Variants in CEP63 observed in about 807,000 individuals in gnomAD.
The protein encoded by CEP63 is centrosomal protein 63.
In CEP63, 84 loss-of-function variants were observed where a neutral mutation model predicts 89.1. The observed-to-expected ratio is 0.94, with a 90% CI of 0.79 to 1.13. The LOEUF (loss-of-function observed/expected upper bound fraction) is 1.13, where lower values mean the gene tolerates loss of function less well. Ranked by LOEUF, CEP63 falls within the 50% of genes most tolerant of loss-of-function variation. The pLI is 0.00. For synonymous variants in CEP63, 267 were observed against 272.5 expected (o/e 0.98, Z 0.20); for missense variants, 838 against 813.3 (o/e 1.03, Z -0.37).
At chr3:134,703,156 C>A in the CEP63 span, among the ~76,000 whole-genome samples, 1 of 151,640 alleles carries the variant, frequency 6.6e-6, no homozygotes, top group African/African-American at 2.4e-5. Context: ...ATTAGCCAGG[C>A]GTGGTGGTGG....
At chr3:134,566,965 A>G (rs1957790398), downstream of CEP63, among the ~76,000 whole-genome samples, 1 of 152,234 alleles carries the variant, frequency 6.6e-6, no homozygotes, top group Non-Finnish European at 1.5e-5. Context: ...ATTTGTACAC[A>G]AATGATCTTA....
In CEP63 at chr3:134,561,979, C is replaced by G. The variant is rs1957387948; in HGVS notation, c.*444C>G. 9.8e-7 allele frequency: 1 copy of G among 1,017,862 alleles called. No individual in the cohort carries two copies. Among genetic ancestry groups the G allele is most frequent in the Admixed American group, 5.3e-5 (1 of 18,928 alleles). 63.1% of individuals were successfully genotyped at this position (1,017,862 alleles called of 1,614,324 possible). On this transcript the variant is annotated 3_prime_UTR_variant, in exon 15 of 15. Coordinates refer to ENST00000675561, the MANE Select transcript of CEP63 (RefSeq NM_001353108.3). ...ATAGACTGGTTTTGCCACTTACCAG[C>G]CAACGGGGCTTGTTATTTACTGGGC...
At chr3:134,638,279 G>T in the CEP63 span, among the ~76,000 whole-genome samples, 1 of 152,166 alleles carries the variant, frequency 6.6e-6, no homozygotes, top group African/African-American at 2.4e-5. Flanking sequence ...TGACGCTACT[G>T]GATCAAATAA....
chr3:134,650,916 C>T, the CEP63 span: 1 of 1,613,338 alleles, frequency 6.2e-7, no homozygotes, highest in East Asian at 2.2e-5. Flanking sequence ...GCACGATCAG[C>T]AGCATGTCGA....
the CEP63 span, among the ~76,000 whole-genome samples, chr3:134,768,331 G>A: frequency 3.3e-5 from 5 of 152,138 alleles, no homozygotes; most frequent in South Asian, 4.1e-4. Flanking sequence ...AGCCAGCCCC[G>A]AATTTTTCAG....
intron 12 of CEP63, among the ~76,000 whole-genome samples, chr3:134,556,430 A>T (rs1173669637): frequency 6.6e-6 from 1 of 151,978 alleles, no homozygotes. Context: ...CAATAGCTAA[A>T]CATTTTGTAA....
At chr3:134,566,343 ATAT>A (rs1177533283), downstream of CEP63, among the ~76,000 whole-genome samples, 1 of 152,154 alleles carries the variant, frequency 6.6e-6, no homozygotes, top group African/African-American at 2.4e-5. Context: ...TAATATAATA[ATAT>A]TAAATGCAAA....
the CEP63 span, chr3:134,650,747 C>A: frequency 7.6e-7 from 1 of 1,324,066 alleles, no homozygotes; most frequent in Admixed American, 3.0e-5. Flanking sequence ...GCAATGGGCG[C>A]CCCCCGGCGG....
the CEP63 span, among the ~76,000 whole-genome samples, chr3:134,660,182 G>A: frequency 6.6e-6 from 1 of 152,250 alleles, no homozygotes; most frequent in African/African-American, 2.4e-5. Context: ...TGAAAGTGGG[G>A]CATGTTCAAT....
the CEP63 span, among the ~76,000 whole-genome samples, chr3:134,701,157 C>T: frequency 6.6e-6 from 1 of 150,482 alleles, no homozygotes; most frequent in Non-Finnish European, 1.5e-5. Context: ...TACATACATA[C>T]ATTATATACA....
chr3:134,557,826 A>G (rs1375518974), intron 12 of CEP63, among the ~76,000 whole-genome samples: 1 of 152,102 alleles, frequency 6.6e-6, no homozygotes, highest in Non-Finnish European at 1.5e-5. Context: ...CAGAAGAAAC[A>G]TGGCTGCTAT....
the CEP63 span, among the ~76,000 whole-genome samples, chr3:134,605,333 C>T: frequency 2.0e-5 from 3 of 152,168 alleles, no homozygotes; most frequent in African/African-American, 7.2e-5. Flanking sequence ...CTCCCAGCCC[C>T]AGCAACCTCC....
rs1957355061 is a variant in CEP63 at position 134,561,602 on chromosome 3, G to A, written c.*67G>A. ...CAAAGAGTTACTGTCATCTGAAGTA[G>A]CAGCTCTTTAAAAACATGAAGAGAT... On this transcript the variant is annotated 3_prime_UTR_variant, in exon 15 of 15. Coordinates refer to ENST00000675561, the MANE Select transcript of CEP63 (RefSeq NM_001353108.3). 1 of 1,555,592 alleles carries A rather than the reference G, an allele frequency of 6.4e-7. No individual in the cohort carries two copies. Among genetic ancestry groups the A allele is most frequent in the East Asian group, 2.4e-5 (1 of 41,440 alleles).
At chr3:134,613,648 CA>C in the CEP63 span, among the ~76,000 whole-genome samples, 1 of 151,996 alleles carries the variant, frequency 6.6e-6, no homozygotes, top group Non-Finnish European at 1.5e-5. Flanking sequence ...ATGCCTGGGG[CA>C]GAAAAAAGAT....
chr3:134,689,823 G>A, the CEP63 span, among the ~76,000 whole-genome samples: 1 of 152,138 alleles, frequency 6.6e-6, no homozygotes, highest in Non-Finnish European at 1.5e-5. Context: ...CCAGTAAGAT[G>A]TTACAACTAA....
chr3:134,719,213 G>A, the CEP63 span, among the ~76,000 whole-genome samples: 5 of 151,958 alleles, frequency 3.3e-5, no homozygotes, highest in South Asian at 2.1e-4. Flanking sequence ...ATGTTGCCCA[G>A]GCTGGTCTTG....
At position 134,537,190 on chromosome 3, in the gene CEP63, A is replaced by C; in HGVS notation, c.477A>C (p.Gln159His). The change falls in exon 6 of 15, where the codon CAA becomes CAC. Residue 159 changes from glutamine (Q) to histidine (H), a missense_variant. Gln to His is a conservative substitution (Grantham distance 24). Coordinates refer to ENST00000675561, the MANE Select transcript of CEP63 (RefSeq NM_001353108.3). ...FRQKSLDWEK[Q>H]RLIYQQQVSS... ...AGAAATCGCTGGACTGGGAGAAGCAACGCTTGATTTATCAGCAACAGGTAT... is the reference window on the plus strand; with the variant it reads ...AGAAATCGCTGGACTGGGAGAAGCACCGCTTGATTTATCAGCAACAGGTAT... 1 of 1,613,926 alleles carries C rather than the reference A, an allele frequency of 6.2e-7. No homozygotes were observed. Among genetic ancestry groups the C allele is most frequent in the Non-Finnish European group, 8.5e-7 (1 of 1,179,786 alleles).
At chr3:134,620,501 G>T in the CEP63 span, among the ~76,000 whole-genome samples, 3 of 152,166 alleles carry the variant, frequency 2.0e-5, no homozygotes, top group African/African-American at 7.2e-5. Flanking sequence ...GAAGTTTCCA[G>T]CTCTGGGCAC....
At chr3:134,655,519 A>G in the CEP63 span, among the ~76,000 whole-genome samples, 1 of 152,248 alleles carries the variant, frequency 6.6e-6, no homozygotes, top group Admixed American at 6.5e-5. Flanking sequence ...GAGAAAACAG[A>G]GGTTTAGAAA....
Sources: gnomAD v4.1 joint callset for allele counts (sites outside exome capture counted in the v4.1 genomes callset) on GRCh38, gnomAD v4.1.1 for gene constraint, MANE v1.5 for transcripts, NCBI Gene and HGNC (gene_info 2026-07-23, HGNC 2026-07-21) for gene names.